The following TBCD variants were observed in gnomAD, a reference collection of about 807,000 sequenced individuals.
TBCD encodes the protein tubulin folding cofactor D.
TBCD carries 105 observed loss-of-function variants against 169.3 expected under a neutral mutation model. The ratio of observed to expected loss-of-function variants is 0.62; its 90% confidence interval spans 0.53 to 0.73. The LOEUF is 0.73. TBCD is among the 30% of genes least tolerant of loss of function. TBCD has a pLI of 0.00. For synonymous variants in TBCD, 700 were observed against 643.9 expected, an observed-to-expected ratio of 1.09 and a Z score of -1.32; for missense variants, 1,444 against 1,600.1, an observed-to-expected ratio of 0.90 and a Z score of 1.66.
chr17:82,905,119 T>C (rs1427247441), intron 19 of TBCD, among the ~76,000 whole-genome samples: 2 of 152,192 alleles, frequency 1.3e-5, no homozygotes, highest in Middle Eastern at 3.2e-3. Context: ...GTCTGTGCTT[T>C]CTGAGCAAAC....
At chr17:82,828,792 T>G (rs1366986439) in intron 13 of TBCD, among the ~76,000 whole-genome samples, 1 of 149,894 alleles carries the variant, frequency 6.7e-6, no homozygotes, top group African/African-American at 2.5e-5. Context: ...CCCACACAGA[T>G]ATGCACATGT....
rs971361620 is a variant in TBCD at position 82,806,508 on chromosome 17, G to A, written c.1087+497G>A. Among the ~76,000 whole-genome samples the A allele has an allele frequency of 2.6e-5, 4 of 152,100 alleles. No homozygotes were observed. Among genetic ancestry groups the A allele is most frequent in the African/African-American group, 9.7e-5 (4 of 41,416 alleles). Reference sequence around the variant, plus strand: ...CAGAGCCATCAGCGGAGCCCCTCATGGCGGCCATCCTGGGCTCCTGTCCAC... The same window carrying A: ...CAGAGCCATCAGCGGAGCCCCTCATAGCGGCCATCCTGGGCTCCTGTCCAC... On this transcript the variant is annotated intron_variant, in intron 10 of 38. Coordinates refer to ENST00000355528, the MANE Select transcript of TBCD (RefSeq NM_005993.5). This position sits in a 1 kb window ranked among gnomAD's most constrained non-coding sequence, Gnocchi z 5.1.
chr17:82,889,739 C>T lies in TBCD; in HGVS notation c.1563+42C>T, dbSNP rs193022842. 2.1e-5 allele frequency: 34 copies of T among 1,610,774 alleles called. No individual in the cohort carries two copies. The highest frequency in any genetic ancestry group is 6.7e-5 in the African/African-American group (5 of 74,846). ...ACACCTTTATTCCAAAAACTTCCTGCGGGTTTATAGGTAGGAATCTTGAGA... is the reference window on the plus strand; with the variant it reads ...ACACCTTTATTCCAAAAACTTCCTGTGGGTTTATAGGTAGGAATCTTGAGA... On this transcript the variant is annotated intron_variant, in intron 16 of 38. Coordinates refer to ENST00000355528, the MANE Select transcript of TBCD (RefSeq NM_005993.5). This position sits in a 1 kb window ranked among gnomAD's most constrained non-coding sequence, Gnocchi z 5.3.
At chr17:82,919,372 C>T (rs2061277250) in intron 23 of TBCD, among the ~76,000 whole-genome samples, 1 of 151,992 alleles carries the variant, frequency 6.6e-6, no homozygotes, top group Non-Finnish European at 1.5e-5. Context: ...TTATGTTGGG[C>T]CTTATATTGA....
chr17:82,780,470 G>A (rs767613914), intron 6 of TBCD, among the ~76,000 whole-genome samples: 1 of 151,762 alleles, frequency 6.6e-6, no homozygotes, highest in African/African-American at 2.4e-5. Flanking sequence ...GGAGGATCTG[G>A]GCTAATTAGC....
In TBCD at chr17:82,932,565, T is replaced by C. The variant is rs1812255644; in HGVS notation, c.3114-93T>C. 12 of 1,004,798 alleles carry C rather than the reference T, an allele frequency of 1.2e-5. No homozygotes were observed. The South Asian group carries it at 1.5e-4, about 12-fold the overall frequency. 62.2% of individuals were successfully genotyped at this position (1,004,798 alleles called of 1,614,324 possible). A position where few individuals can be genotyped will look rare whatever the true frequency, so the allele number is the denominator to read the frequency against. On this transcript the variant is annotated intron_variant, in intron 33 of 38. Transcript: ENST00000355528. ...GTAAATTATAAAGGGGGCTTGTCGC[T>C]TTCCACTGGGATCCTGCTGACTCTC...
At chr17:82,822,120 G>C (rs1567836355) in intron 13 of TBCD, among the ~76,000 whole-genome samples, 1 of 152,212 alleles carries the variant, frequency 6.6e-6, no homozygotes, top group Non-Finnish European at 1.5e-5. Flanking sequence ...GCTTCCAAAA[G>C]AAACTGTCAT....
In TBCD at chr17:82,889,540, CA is replaced by C; in HGVS notation, c.1534-126del. On this transcript the variant is annotated intron_variant, in intron 15 of 38. Coordinates refer to ENST00000355528, the MANE Select transcript of TBCD (RefSeq NM_005993.5). This position sits in a 1 kb window ranked among gnomAD's most constrained non-coding sequence, Gnocchi z 5.3. Reference sequence around the variant, plus strand: ...GCACCTTGAGGCTCTGTTCAGCCAACAATGAGGGCTTTTATTTAAAAAATAA... The same window carrying C: ...GCACCTTGAGGCTCTGTTCAGCCAACATGAGGGCTTTTATTTAAAAAATAA... 2 of 1,134,600 alleles carry C rather than the reference CA, an allele frequency of 1.8e-6. No homozygotes were observed. The highest frequency in any genetic ancestry group is 2.6e-6 in the Non-Finnish European group (2 of 777,292). The allele number at this position is 1,134,600 out of a possible 1,614,324, so 70.3% of individuals were successfully genotyped here.
intron 34 of TBCD, among the ~76,000 whole-genome samples, chr17:82,933,863 T>G (rs10445245): frequency 0.24 from 36,809 of 152,090 alleles, 4,773 homozygotes; most frequent in East Asian, 0.46. Flanking sequence ...CCTGCCCACC[T>G]CGGCCTCCCA....
chr17:82,893,599 T>G lies in TBCD; in HGVS notation c.1616T>G (p.Val539Gly). ...DILTTADYFAVGNRSNCFLVI... is the reference protein window; with the variant it reads ...DILTTADYFAGGNRSNCFLVI... Reference sequence around the variant, plus strand: ...TTGACCACAGCTGACTATTTTGCCGTCGGTAACAGATCCAACTGTTTCCTG... The same window carrying G: ...TTGACCACAGCTGACTATTTTGCCGGCGGTAACAGATCCAACTGTTTCCTG... Residue 539 changes from valine to glycine, a missense_variant, in exon 17 of 39, where the codon GTC becomes GGC. Transcript: ENST00000355528. 2 of 1,611,772 alleles carry G rather than the reference T, an allele frequency of 1.2e-6. No homozygotes were observed. Among genetic ancestry groups the G allele is most frequent in the Non-Finnish European group, 1.7e-6 (2 of 1,178,878 alleles).
At position 82,831,120 on chromosome 17, in the gene TBCD, G is replaced by A. The variant is rs1431265057; in HGVS notation, c.1318+16186G>A. On this transcript the variant is annotated intron_variant, in intron 13 of 38. Coordinates refer to ENST00000355528, the MANE Select transcript of TBCD (RefSeq NM_005993.5). The surrounding 1 kb of genome is among the most constrained non-coding windows in gnomAD (Gnocchi z 4.6). ...CTGTGAGGCTTTGCTCTGGCGGGTA[G>A]AGTCTTCCCAGTGCGCTGGAGGCTG... The A allele has an allele frequency of 1.2e-6, 2 of 1,614,078 alleles. No individual in the cohort carries two copies. Among genetic ancestry groups the A allele is most frequent in the African/African-American group, 2.7e-5 (2 of 74,926 alleles).
intron 7 of TBCD, among the ~76,000 whole-genome samples, chr17:82,784,860 G>T (rs561008187): frequency 6.6e-6 from 1 of 152,206 alleles, no homozygotes; most frequent in African/African-American, 2.4e-5. Context: ...GGCAACTGCC[G>T]CAGCTCCCCG....
Position 82,884,184 on chromosome 17 carries a change from C to T in TBCD, c.1515C>T (p.Asn505=). The change falls in exon 15 of 39, where the codon AAC becomes AAT. Residue 505 remains asparagine (N), a synonymous_variant. Coordinates refer to ENST00000355528, the MANE Select transcript of TBCD (RefSeq NM_005993.5). The surrounding 1 kb of genome is among the most constrained non-coding windows in gnomAD (Gnocchi z 4.2). The stretch of plus-strand genomic sequence containing the variant: ...CTGCGGTGTTTGACCGAGACATAAA[C>T]TGCAGAAGAGCAGCCTCTGTAAGTT... ...VIAAVFDRDI[N]CRRAASAAFQ... 6.2e-7 allele frequency: 1 copy of T among 1,610,624 alleles called. No individual in the cohort carries two copies. The highest frequency in any genetic ancestry group is 8.5e-7 in the Non-Finnish European group (1 of 1,178,200).
At chr17:82,931,328 G>A (rs192414768) in intron 33 of TBCD, among the ~76,000 whole-genome samples, 5 of 152,244 alleles carry the variant, frequency 3.3e-5, no homozygotes, top group African/African-American at 4.8e-5. Flanking sequence ...GGGGCAGTTC[G>A]ATCGATTTTG....
At chr17:82,872,658 C>T (rs1178498483) in intron 14 of TBCD, among the ~76,000 whole-genome samples, 2 of 144,872 alleles carry the variant, frequency 1.4e-5, no homozygotes, top group Admixed American at 6.9e-5. Flanking sequence ...ATGTATCTTT[C>T]TTATTGTTGA....
intron 7 of TBCD, among the ~76,000 whole-genome samples, 167 bp from the exon 8 acceptor site, chr17:82,797,590 C>G (rs1331284919): frequency 6.6e-6 from 1 of 152,066 alleles, no homozygotes; most frequent in African/African-American, 2.4e-5. Flanking sequence ...TCACTAGTCT[C>G]TTATAATTAC....
intron 1 of TBCD, among the ~76,000 whole-genome samples, chr17:82,753,882 T>C (rs1298116487): frequency 1.3e-5 from 2 of 151,052 alleles, no homozygotes; most frequent in African/African-American, 4.9e-5. Context: ...TTTTTTTTTT[T>C]TTTGAGGCGG....
intron 7 of TBCD, among the ~76,000 whole-genome samples, chr17:82,791,564 AG>A (rs1271643000): frequency 6.6e-6 from 1 of 152,228 alleles, no homozygotes; most frequent in African/African-American, 2.4e-5. Context: ...ACGGGAGCAC[AG>A]TCATAAGTCC....
chr17:82,757,856 G>A (rs1384527329), intron 2 of TBCD, among the ~76,000 whole-genome samples: 2 of 152,100 alleles, frequency 1.3e-5, no homozygotes, highest in Non-Finnish European at 2.9e-5. Context: ...CTTATAGGAG[G>A]TCTTGGGTTC....
Sources: gnomAD v4.1 joint callset for allele counts (sites outside exome capture counted in the v4.1 genomes callset) on GRCh38, gnomAD v4.1.1 for gene constraint, Gnocchi (gnomAD v3.1) non-coding constraint, MANE v1.5 for transcripts, NCBI Gene and HGNC (gene_info 2026-07-23, HGNC 2026-07-21) for gene names.